NCAPG: variants seen among roughly 807,000 people sequenced by gnomAD.
NCAPG encodes the protein condensin complex subunit 3.
NCAPG carries 69 observed loss-of-function variants against 113.1 expected under a neutral mutation model. The ratio of observed to expected loss-of-function variants is 0.61; its 90% CI spans 0.50 to 0.75. NCAPG has a LOEUF of 0.75. NCAPG is among the 30% of genes least tolerant of loss of function. NCAPG has a pLI of 0.00. For synonymous variants in NCAPG, 370 were observed against 415.8 expected (o/e 0.89, Z 1.34); for missense variants, 1,058 against 1,177.0 (o/e 0.90, Z 1.48).
At position 17,812,104 on chromosome 4, in the gene NCAPG, T is replaced by C; in HGVS notation, c.112-117T>C. 2.6e-6 allele frequency: 2 copies of C among 779,006 alleles called. 1 individual carries two copies. Among genetic ancestry groups the C allele is most frequent in the South Asian group, 3.4e-5 (2 of 58,088 alleles). 48.3% of individuals were successfully genotyped at this position (779,006 alleles called of 1,614,324 possible). The stretch of plus-strand genomic sequence containing the variant: ...TTTGGATAATTAAGAGTTTACTAAA[T>C]AAATATTTTAATTTGTCTGCATTAT... On this transcript the variant is annotated intron_variant, in intron 1 of 20. Coordinates refer to ENST00000251496, the MANE Select transcript of NCAPG (RefSeq NM_022346.5).
intron 16 of NCAPG, 73 bp from the exon 17 acceptor site, chr4:17,839,603 T>G: frequency 9.5e-7 from 1 of 1,052,618 alleles, no homozygotes; most frequent in Non-Finnish European, 1.3e-6. Flanking sequence ...TGGAAATATT[T>G]GTTAGATGTG....
At chr4:17,815,994 A>G (rs187837232) in intron 5 of NCAPG, among the ~76,000 whole-genome samples, 2 of 152,076 alleles carry the variant, frequency 1.3e-5, no homozygotes, top group African/African-American at 2.4e-5. Context: ...TTATGTGTAT[A>G]CTTTGGTATG....
chr4:17,836,907 T>TA, intron 14 of NCAPG, among the ~76,000 whole-genome samples: 1 of 152,190 alleles, frequency 6.6e-6, no homozygotes. Context: ...TTGGTTCTTC[T>TA]AAAAAGTTTT....
Position 17,814,955 on chromosome 4 carries a change from G to T in NCAPG, c.647G>T (p.Arg216Leu), listed in dbSNP as rs757112253. The T allele has an allele frequency of 1.9e-6, 3 of 1,614,024 alleles. No individual in the cohort carries two copies. The highest frequency in any genetic ancestry group is 2.5e-6 in the Non-Finnish European group (3 of 1,180,026). Residue 216 changes from arginine (R) to leucine (L), a missense_variant, in exon 4 of 21, where the codon CGC becomes CTC. Transcript: ENST00000251496. ...SAKTLPKIVG[R>L]TKDVKEAVRK... The stretch of plus-strand genomic sequence containing the variant: ...AAGACTTTGCCAAAAATTGTAGGGC[G>T]CACCAAGGATGTGAAAGAGGCTGTC...
rs1721013164 is a variant in NCAPG, at chr4:17,812,254, A to G, written c.145A>G (p.Ile49Val). The stretch of plus-strand genomic sequence containing the variant: ...TAAGACAGTTTTTCATGAGGAGTTC[A>G]TTCATTACCTTAAATATGTTATGGT... The part of the protein sequence containing the change: ...DDKTVFHEEF[I>V]HYLKYVMVVY... The change falls in exon 2 of 21, where the codon ATT becomes GTT. Residue 49 changes from isoleucine (I) to valine (V), a missense_variant. Transcript: ENST00000251496. The G allele has an allele frequency of 6.8e-6, 11 of 1,613,496 alleles. No homozygotes were observed. In the East Asian group the frequency reaches 2.2e-4, roughly 33 times the overall value.
intron 18 of NCAPG, among the ~76,000 whole-genome samples, 176 bp from the exon 19 acceptor site, chr4:17,840,431 A>G (rs945756784): frequency 1.3e-5 from 2 of 151,960 alleles, no homozygotes; most frequent in Non-Finnish European, 2.9e-5. Flanking sequence ...CCATCTTTTT[A>G]AGAGTTTTGC....
Position 17,843,471 on chromosome 4 carries a change from T to G in NCAPG, c.*46T>G, listed in dbSNP as rs751639740. 4 of 1,593,544 alleles carry G rather than the reference T, an allele frequency of 2.5e-6. No homozygotes were observed. Among genetic ancestry groups the G allele is most frequent in the Non-Finnish European group, 2.6e-6 (3 of 1,168,452 alleles). On this transcript the variant is annotated 3_prime_UTR_variant, in exon 21 of 21. Coordinates refer to ENST00000251496, the MANE Select transcript of NCAPG (RefSeq NM_022346.5). ...TCCTTTAAGATTATGTCCAGTTATT[T>G]GCTTTAATAAAGAAGAAGTTACCCT...
In NCAPG at chr4:17,812,434, A is replaced by C; in HGVS notation, c.315+10A>C. ...TACTTTTCTCTTAAAGGTACTATGA[A>C]AATGATAGCTTTGGGGAGGGATTTT... On this transcript the variant is annotated intron_variant, in intron 2 of 20. Coordinates refer to ENST00000251496, the MANE Select transcript of NCAPG (RefSeq NM_022346.5). The C allele has an allele frequency of 1.2e-6, 2 of 1,607,442 alleles. No individual in the cohort carries two copies. The highest frequency in any genetic ancestry group is 1.7e-6 in the Non-Finnish European group (2 of 1,174,490).
intron 14 of NCAPG, 72 bp from the exon 15 acceptor site, chr4:17,837,087 G>A (rs1722129120): frequency 7.3e-7 from 1 of 1,360,544 alleles, no homozygotes. Context: ...AAATACTGTA[G>A]GACAGGCTAC....
intron 3 of NCAPG, among the ~76,000 whole-genome samples, chr4:17,814,203 C>T (rs1721104409): frequency 6.6e-6 from 1 of 152,098 alleles, no homozygotes; most frequent in Non-Finnish European, 1.5e-5. Context: ...TGAGGAGTAG[C>T]ACAGACATAA....
intron 3 of NCAPG, 75 bp downstream of exon 3, chr4:17,813,220 A>G (rs1211469512): frequency 1.4e-5 from 17 of 1,230,010 alleles, no homozygotes; most frequent in Non-Finnish European, 1.9e-5. Flanking sequence ...ATTTTTTATT[A>G]TGGTCTATAC....
At chr4:17,819,214 G>A (rs911120328) in intron 7 of NCAPG, among the ~76,000 whole-genome samples, 5 of 151,840 alleles carry the variant, frequency 3.3e-5, no homozygotes, top group Non-Finnish European at 7.4e-5. Flanking sequence ...TTATTCCTCT[G>A]TTGATGGACA....
rs1159369375 is a variant in NCAPG, at chr4:17,844,728, G to GTCTT, written c.*1304_*1307dup. On this transcript the variant is annotated 3_prime_UTR_variant, in exon 21 of 21. Coordinates refer to ENST00000251496, the MANE Select transcript of NCAPG (RefSeq NM_022346.5). ...TACATTAAGTGTGCTGTAAGGAAAA[G>GTCTT]TCTTAGAAACATAATAAGCTAAAAT... 3 of 152,542 alleles carry GTCTT rather than the reference G, an allele frequency of 2.0e-5. No homozygotes were observed. In the East Asian group the frequency reaches 5.8e-4, roughly 29 times the overall value. The allele number at this position is 152,542 out of a possible 1,614,324, so 9.4% of individuals were successfully genotyped here. A position where few individuals can be genotyped will look rare whatever the true frequency, so the allele number is the denominator to read the frequency against.
chr4:17,840,133 A>T lies in NCAPG; in HGVS notation c.2691A>T (p.Gly897=). 1.2e-6 allele frequency: 2 copies of T among 1,612,382 alleles called. No homozygotes were observed. Among genetic ancestry groups the T allele is most frequent in the Non-Finnish European group, 1.7e-6 (2 of 1,179,216 alleles). The change falls in exon 18 of 21, where the codon GGA becomes GGT. Residue 897 remains glycine, a synonymous_variant. Coordinates refer to ENST00000251496, the MANE Select transcript of NCAPG (RefSeq NM_022346.5). ...AAATCAAGATTCAGTTAGAAAAAGG[A>T]AATAAAGAATTTGGTGACCAAGCTG... is the stretch of plus-strand genomic sequence containing the variant. ...LEKIKIQLEK[G]NKEFGDQAEA...
intron 12 of NCAPG, among the ~76,000 whole-genome samples, chr4:17,830,542 G>C (rs946110015): frequency 6.8e-5 from 10 of 147,274 alleles, no homozygotes; most frequent in African/African-American, 2.5e-4. Flanking sequence ...AATATATTAA[G>C]ACTAGTTTCA....
At position 17,817,292 on chromosome 4, in the gene NCAPG, T is replaced by C. The variant is rs757573190; in HGVS notation, c.807T>C (p.Leu269=). 1.2e-6 allele frequency: 2 copies of C among 1,613,950 alleles called. No individual in the cohort carries two copies. Among genetic ancestry groups the C allele is most frequent in the South Asian group, 2.2e-5 (2 of 91,080 alleles). Residue 269 remains leucine (L), a synonymous_variant, in exon 6 of 21, where the codon CTT becomes CTC. Coordinates refer to ENST00000251496, the MANE Select transcript of NCAPG (RefSeq NM_022346.5). ...TGAAACAAGCTATGCAGAAGCATCT[T>C]CTTCAAGGCTGGTTACGGTTCTCTG... ...DAVKQAMQKH[L]LQGWLRFSEG...
intron 1 of NCAPG, 128 bp from the exon 2 acceptor site, chr4:17,812,089 TAAGA>T: frequency 1.4e-6 from 1 of 716,022 alleles, no homozygotes; most frequent in East Asian, 3.0e-5. Context: ...TTTGGATAAT[TAAGA>T]GTTTACTAAA....
chr4:17,841,827 GTATGT>G, intron 19 of NCAPG: 1 of 153,470 alleles, frequency 6.5e-6, no homozygotes, highest in East Asian at 1.9e-4. Flanking sequence ...AATTGGTCAT[GTATGT>G]TATTTTACAA....
In NCAPG at chr4:17,811,576, G is replaced by T. The variant is rs949744410; in HGVS notation, c.111+388G>T. On this transcript the variant is annotated intron_variant, in intron 1 of 20. Coordinates refer to ENST00000251496, the MANE Select transcript of NCAPG (RefSeq NM_022346.5). The surrounding 1 kb of genome is among the most constrained non-coding windows in gnomAD (Gnocchi z 5.3). ...TCCTGAATGCGGGGGTTCAGTGGTC[G>T]TTGCCCCTGGGGTCATCGCTCCCCG... Among the ~76,000 whole-genome samples the T allele has an allele frequency of 6.6e-6, 1 of 152,040 alleles. No homozygotes were observed. Among genetic ancestry groups the T allele is most frequent in the African/African-American group, 2.4e-5 (1 of 41,390 alleles).
Sources: gnomAD v4.1 joint callset for allele counts (sites outside exome capture counted in the v4.1 genomes callset) on GRCh38, gnomAD v4.1.1 for gene constraint, Gnocchi (gnomAD v3.1) non-coding constraint, MANE v1.5 for transcripts, NCBI Gene and HGNC (gene_info 2026-07-23, HGNC 2026-07-21) for gene names.